The following GALNT13 variants were observed in gnomAD, a reference collection of about 807,000 sequenced individuals.
The protein encoded by GALNT13 is UDP-GalNAc:polypeptide N-acetylgalactosaminyltransferase 13.
Under a neutral mutation model 64.2 loss-of-function variants are expected in GALNT13, and 28 were observed. The ratio of observed to expected loss-of-function variants is 0.44; its 90% CI spans 0.32 to 0.60. The LOEUF is 0.60. Ranked by LOEUF, GALNT13 falls within the 20% of genes least tolerant of loss-of-function variation. The pLI is 0.05. For synonymous variants in GALNT13, 214 were observed against 224.6 expected (o/e 0.95, Z 0.42); for missense variants, 577 against 669.8 (o/e 0.86, Z 1.53).
chr2:153,850,163 AGC>A, the GALNT13 span, among the ~76,000 whole-genome samples: 1 of 145,642 alleles, frequency 6.9e-6, no homozygotes, highest in Non-Finnish European at 1.5e-5. Flanking sequence ...TGGGAGACAG[AGC>A]GAGACTCCGT....
the GALNT13 span, among the ~76,000 whole-genome samples, chr2:153,236,240 C>A: frequency 6.6e-6 from 1 of 152,158 alleles, no homozygotes. Context: ...CATAAAAGTG[C>A]AAGGTGAAGC....
chr2:153,173,777 C>A, the GALNT13 span, among the ~76,000 whole-genome samples: 3 of 152,148 alleles, frequency 2.0e-5, no homozygotes, highest in Non-Finnish European at 4.4e-5. Flanking sequence ...ACTATCAAAT[C>A]AAAGTCTCAA....
At chr2:153,915,101 G>C (rs1214915536) in intron 2 of GALNT13, among the ~76,000 whole-genome samples, 2 of 152,144 alleles carry the variant, frequency 1.3e-5, no homozygotes, top group African/African-American at 2.4e-5. Context: ...GCAGACCTCT[G>C]TTTTATGTTA....
intron 4 of GALNT13, among the ~76,000 whole-genome samples, chr2:154,234,206 A>G (rs139049314): frequency 2.6e-5 from 4 of 152,208 alleles, no homozygotes; most frequent in African/African-American, 7.2e-5. Flanking sequence ...AACTGTGTCA[A>G]TGATCAGAGT....
intron 3 of GALNT13, among the ~76,000 whole-genome samples, chr2:154,048,202 A>G (rs558354976): frequency 2.0e-5 from 3 of 152,260 alleles, no homozygotes; most frequent in Non-Finnish European, 4.4e-5. Flanking sequence ...CTAACTCACT[A>G]TCACAAGAAC....
At chr2:153,272,368 C>G in the GALNT13 span, among the ~76,000 whole-genome samples, 1 of 148,818 alleles carries the variant, frequency 6.7e-6, no homozygotes, top group South Asian at 2.3e-4. Context: ...ATCCAACTGA[C>G]AAAGGGATAG....
At chr2:153,753,732 C>G in the GALNT13 span, among the ~76,000 whole-genome samples, 3 of 152,210 alleles carry the variant, frequency 2.0e-5, no homozygotes. Context: ...TATGTTCACT[C>G]AAGGCCATGA....
the GALNT13 span, among the ~76,000 whole-genome samples, chr2:153,457,890 T>C: frequency 6.6e-6 from 1 of 152,210 alleles, no homozygotes; most frequent in African/African-American, 2.4e-5. Context: ...AACCTCATGA[T>C]CACCTCATGT....
chr2:153,315,453 C>T, the GALNT13 span, among the ~76,000 whole-genome samples: 3 of 152,156 alleles, frequency 2.0e-5, no homozygotes, highest in Non-Finnish European at 4.4e-5. Flanking sequence ...CAGGTTTAAC[C>T]ATATGAATTT....
At chr2:153,335,584 T>A in the GALNT13 span, among the ~76,000 whole-genome samples, 48 of 152,320 alleles carry the variant, frequency 3.2e-4, no homozygotes, top group African/African-American at 1.1e-3. Flanking sequence ...AAGAAATTTC[T>A]AAGCAGCAAA....
the GALNT13 span, among the ~76,000 whole-genome samples, chr2:153,496,993 C>CAAAAAAAAAAAA: frequency 1.1e-5 from 1 of 90,894 alleles, no homozygotes; most frequent in Admixed American, 1.2e-4. Flanking sequence ...GATTTTGTCT[C>CAAAAAAAAAAAA]AAAAAAAAAA....
chr2:153,998,004 T>C (rs1195675866), intron 3 of GALNT13, among the ~76,000 whole-genome samples: 1 of 152,184 alleles, frequency 6.6e-6, no homozygotes, highest in East Asian at 1.9e-4. Flanking sequence ...TAGTATTCCA[T>C]GGTGTATATG....
At chr2:153,113,938 G>T in the GALNT13 span, among the ~76,000 whole-genome samples, 3 of 152,054 alleles carry the variant, frequency 2.0e-5, no homozygotes, top group Non-Finnish European at 2.9e-5. Context: ...GAAAGGGAAG[G>T]CTTACTAATT....
the GALNT13 span, among the ~76,000 whole-genome samples, chr2:153,667,310 A>G: frequency 3.0e-4 from 45 of 152,146 alleles, no homozygotes; most frequent in Non-Finnish European, 6.0e-4. Context: ...ATATAAGACA[A>G]CCATCCCTAA....
At chr2:153,273,173 A>T in the GALNT13 span, among the ~76,000 whole-genome samples, 5 of 152,186 alleles carry the variant, frequency 3.3e-5, no homozygotes. Flanking sequence ...GAAATACCTA[A>T]TGTAGATGAT....
intron 1 of GALNT13, among the ~76,000 whole-genome samples, chr2:153,885,025 C>T (rs1687075794): frequency 6.7e-6 from 1 of 148,460 alleles, no homozygotes; most frequent in Non-Finnish European, 1.5e-5. Context: ...GCAACAAGAG[C>T]AAAACTTTGT....
At chr2:153,399,826 T>A in the GALNT13 span, among the ~76,000 whole-genome samples, 1 of 152,010 alleles carries the variant, frequency 6.6e-6, no homozygotes, top group Non-Finnish European at 1.5e-5. Context: ...GATTTTGGGC[T>A]GAGACAATGG....
the GALNT13 span, among the ~76,000 whole-genome samples, chr2:153,621,975 A>G: frequency 6.6e-6 from 1 of 151,988 alleles, no homozygotes; most frequent in East Asian, 1.9e-4. Context: ...GTTTAGTAAA[A>G]AAATGTGTAA....
intron 3 of GALNT13, among the ~76,000 whole-genome samples, chr2:154,103,702 C>A (rs1477676889): frequency 2.6e-5 from 4 of 152,038 alleles, no homozygotes; most frequent in Non-Finnish European, 4.4e-5. Flanking sequence ...TATATATGAG[C>A]GTTTGGCATT....
Sources: gnomAD v4.1 joint callset for allele counts (sites outside exome capture counted in the v4.1 genomes callset) on GRCh38, gnomAD v4.1.1 for gene constraint, MANE v1.5 for transcripts, NCBI Gene and HGNC (gene_info 2026-07-23, HGNC 2026-07-21) for gene names.